Variants in EIF2B3 observed in about 807,000 individuals in gnomAD.
The protein encoded by EIF2B3 is translation initiation factor eIF2B subunit gamma.
In EIF2B3, 20 loss-of-function variants were observed where a neutral mutation model predicts 54.1. The ratio of observed to expected loss-of-function variants is 0.37; its 90% CI spans 0.26 to 0.54. EIF2B3 has a LOEUF of 0.54. EIF2B3 is among the 20% of genes least tolerant of loss of function. The pLI is 0.86. For missense variants in EIF2B3, 448 were observed against 547.8 expected, an observed-to-expected ratio of 0.82 and a Z score of 1.82; for synonymous variants, 153 against 188.1, an observed-to-expected ratio of 0.81 and a Z score of 1.52.
intron 8 of EIF2B3, among the ~76,000 whole-genome samples, chr1:44,878,757 CT>C (rs113400214): frequency 2.3e-3 from 324 of 143,388 alleles, no homozygotes; most frequent in Admixed American, 2.5e-3. Context: ...TTCCTATCCT[CT>C]TTTTTTTTTT....
At chr1:44,873,329 T>C (rs144404150) in intron 10 of EIF2B3, among the ~76,000 whole-genome samples, 11 of 152,332 alleles carry the variant, frequency 7.2e-5, no homozygotes, top group Admixed American at 2.0e-4. Context: ...TTGGTATTAC[T>C]TCCATGCCTC....
chr1:44,978,568 C>T, intron 2 of EIF2B3, 108 bp from the exon 3 acceptor site: 3 of 1,035,264 alleles, frequency 2.9e-6, no homozygotes, highest in Non-Finnish European at 4.3e-6. Context: ...ATAACAACTG[C>T]TAATATTATT....
At chr1:44,901,636 G>A (rs1485060506) in intron 5 of EIF2B3, among the ~76,000 whole-genome samples, 2 of 140,610 alleles carry the variant, frequency 1.4e-5, no homozygotes, top group Admixed American at 7.9e-5. Flanking sequence ...ACAGCTCACT[G>A]CCCCCTCAAC....
At chr1:44,958,906 A>T in intron 3 of EIF2B3, 1 of 805,488 alleles carries the variant, frequency 1.2e-6, no homozygotes, top group Non-Finnish European at 2.2e-6. Flanking sequence ...GCTGAGGGCC[A>T]TCTGAAACAG....
chr1:44,870,770 A>G (rs1483143128), intron 10 of EIF2B3, among the ~76,000 whole-genome samples: 1 of 151,388 alleles, frequency 6.6e-6, no homozygotes, highest in African/African-American at 2.4e-5. Context: ...TTCCTGCCTT[A>G]GCCTCCCGAG....
At chr1:44,986,138 CTTT>C (rs66786376) in intron 1 of EIF2B3, among the ~76,000 whole-genome samples, 2 of 142,226 alleles carry the variant, frequency 1.4e-5, no homozygotes, top group Non-Finnish European at 1.5e-5. Flanking sequence ...CTTTTCTTTT[CTTT>C]TTTTTTTTTT....
At chr1:44,907,244 T>C (rs1216049247) in intron 5 of EIF2B3, among the ~76,000 whole-genome samples, 2 of 152,162 alleles carry the variant, frequency 1.3e-5, no homozygotes, top group Non-Finnish European at 2.9e-5. Context: ...GCAAATTTGA[T>C]TGTGTCATTC....
chr1:44,968,424 TA>T (rs908595945), intron 3 of EIF2B3, among the ~76,000 whole-genome samples: 4 of 148,470 alleles, frequency 2.7e-5, no homozygotes, highest in Non-Finnish European at 5.9e-5. Flanking sequence ...ACTACATATC[TA>T]AAAAACATGA....
intron 3 of EIF2B3, among the ~76,000 whole-genome samples, chr1:44,960,173 C>A (rs1644268849): frequency 6.6e-6 from 1 of 152,194 alleles, no homozygotes; most frequent in South Asian, 2.1e-4. Flanking sequence ...AAATAACTCA[C>A]ATTGATAAAG....
intron 10 of EIF2B3, among the ~76,000 whole-genome samples, chr1:44,859,139 C>CAAAATA (rs149245733): frequency 0.073 from 11,162 of 151,910 alleles, 1,391 homozygotes; most frequent in African/African-American, 0.26. Context: ...TATCTCTACA[C>CAAAATA]AAAATAAAAA....
chr1:44,890,045 A>G (rs1053565241), intron 6 of EIF2B3, among the ~76,000 whole-genome samples: 1 of 152,238 alleles, frequency 6.6e-6, no homozygotes, highest in Non-Finnish European at 1.5e-5. Flanking sequence ...GGCTCTTTGC[A>G]TGTTTACATC....
chr1:44,955,959 C>T (rs1644219284), intron 3 of EIF2B3, among the ~76,000 whole-genome samples: 1 of 152,110 alleles, frequency 6.6e-6, no homozygotes, highest in Admixed American at 6.6e-5. Context: ...TGTGGTGATT[C>T]CTCAAGGATC....
chr1:44,899,473 A>G (rs1656100604), intron 5 of EIF2B3, among the ~76,000 whole-genome samples: 2 of 152,336 alleles, frequency 1.3e-5, no homozygotes, highest in South Asian at 2.1e-4. Flanking sequence ...AAGAACTTAA[A>G]TCAACAAGCA....
At chr1:44,971,305 C>T (rs2148960235) in intron 3 of EIF2B3, among the ~76,000 whole-genome samples, 1 of 151,158 alleles carries the variant, frequency 6.6e-6, no homozygotes, top group South Asian at 2.1e-4. Context: ...ATGGCGTGAA[C>T]CCAGGAGGCA....
intron 5 of EIF2B3, among the ~76,000 whole-genome samples, chr1:44,911,921 T>C (rs1230938347): frequency 6.8e-6 from 1 of 147,824 alleles, no homozygotes; most frequent in Admixed American, 6.8e-5. Context: ...GTGTTCTCAT[T>C]GTTCAATTCC....
At position 44,872,659 on chromosome 1, in the gene EIF2B3, C is replaced by CA. The variant is rs539176993; in HGVS notation, c.1202+2018dup. ...AGGGAAACCCTGTCTTGAAAAAAAA[C>CA]AAAAAAACACTACCCCCAAAACCAC... On this transcript the variant is annotated intron_variant, in intron 10 of 11. Transcript: ENST00000360403. Among the ~76,000 whole-genome samples the CA allele has an allele frequency of 3.3e-5, 5 of 151,726 alleles. No homozygotes were observed. In the South Asian group the frequency reaches 1.0e-3, roughly 32 times the overall value.
intron 3 of EIF2B3, among the ~76,000 whole-genome samples, chr1:44,961,486 T>C (rs747953690): frequency 1.3e-5 from 2 of 152,104 alleles, no homozygotes; most frequent in Non-Finnish European, 2.9e-5. Flanking sequence ...GAGACCAGCC[T>C]GGGTAACATA....
At position 44,863,031 on chromosome 1, in the gene EIF2B3, C is replaced by G. The variant is rs562642195; in HGVS notation, c.1203-5224G>C. ...GGCCTAAAGTGACACTCCACTGTAT[C>G]ACGGGCTCCTGCTTCAGATATTGAC... On this transcript the variant is annotated intron_variant, in intron 10 of 11. Transcript: ENST00000360403. 3 of 152,354 alleles carry G rather than the reference C, an allele frequency of 2.0e-5. No homozygotes were observed. In the East Asian group the frequency reaches 5.8e-4, roughly 29 times the overall value. 9.4% of individuals were successfully genotyped at this position (152,354 alleles called of 1,614,324 possible). A position where few individuals can be genotyped will look rare whatever the true frequency, so the allele number is the denominator to read the frequency against.
In EIF2B3 at chr1:44,859,469, C is replaced by G. The variant is rs375768744; in HGVS notation, c.1203-1662G>C. 4.7e-3 allele frequency among the ~76,000 whole-genome samples: 719 copies of G among 152,100 alleles called. 2 individuals are homozygous for G. Among genetic ancestry groups the G allele is most frequent in the Non-Finnish European group, 7.1e-3 (481 of 67,992 alleles). ...GTCAGGAGTTTGAGGCCAGCCATGGCCAACATGGTGAAACCCCGCCTCTAT... is the reference window on the plus strand; with the variant it reads ...GTCAGGAGTTTGAGGCCAGCCATGGGCAACATGGTGAAACCCCGCCTCTAT... On this transcript the variant is annotated intron_variant, in intron 10 of 11. Transcript: ENST00000360403.
Sources: gnomAD v4.1 joint callset for allele counts (sites outside exome capture counted in the v4.1 genomes callset) on GRCh38, gnomAD v4.1.1 for gene constraint, MANE v1.5 for transcripts, NCBI Gene and HGNC (gene_info 2026-07-23, HGNC 2026-07-21) for gene names.